Variants in EYS observed in about 807,000 individuals in gnomAD.
The protein encoded by EYS is EGF-like photoreceptor maintenance factor.
A neutral mutation model predicts 282.1 loss-of-function variants in EYS; 250 were observed. The ratio of observed to expected loss-of-function variants is 0.89; its 90% CI spans 0.80 to 0.98. The LOEUF is 0.98. Among genes scored for constraint, EYS ranks in the 50% least tolerant of loss-of-function variants. The pLI is 0.00. For missense variants in EYS, 4,016 were observed against 3,709.0 expected (o/e 1.08, Z -2.15); for synonymous variants, 1,355 against 1,282.9 (o/e 1.06, Z -1.20).
At chr6:64,985,459 T>C (rs1770826540) in intron 14 of EYS, among the ~76,000 whole-genome samples, 1 of 151,560 alleles carries the variant, frequency 6.6e-6, no homozygotes, top group Non-Finnish European at 1.5e-5. Context: ...CTATGATATT[T>C]TGCTCAACTG....
chr6:65,640,571 T>C (rs1189490774), intron 1 of EYS, among the ~76,000 whole-genome samples: 2 of 152,200 alleles, frequency 1.3e-5, no homozygotes, highest in East Asian at 1.9e-4. Flanking sequence ...TTTCAAGGCA[T>C]ATAGAATTCA....
intron 22 of EYS, among the ~76,000 whole-genome samples, chr6:64,808,562 GA>G (rs144822978): frequency 0.044 from 6,693 of 151,916 alleles, 166 homozygotes; most frequent in East Asian, 0.069. Context: ...ATGTGCCTGA[GA>G]ACGTTAGACA....
intron 12 of EYS, among the ~76,000 whole-genome samples, chr6:65,058,570 G>A (rs1289094739): frequency 6.6e-6 from 1 of 150,784 alleles, no homozygotes; most frequent in African/African-American, 2.4e-5. Flanking sequence ...TGGTGCCAGG[G>A]TGATGAATTA....
chr6:64,154,468 C>A (rs1304369820), intron 31 of EYS, among the ~76,000 whole-genome samples: 1 of 147,468 alleles, frequency 6.8e-6, no homozygotes, highest in Non-Finnish European at 1.5e-5. Flanking sequence ...AAAAAAATGC[C>A]TCACAGGGAG....
chr6:64,506,908 T>TAAAAAAAAAAAAAA lies in EYS; in HGVS notation c.5645-67570_5645-67557dup, dbSNP rs530521158. ...TGGGCGATAAAGCGAGGCTGTGTCTTAAAAAAAAAAAAAAAAACTGACTTA... is the reference window on the plus strand; with the variant it reads ...TGGGCGATAAAGCGAGGCTGTGTCTTAAAAAAAAAAAAAAAAAAAAAAAAAAAAAAACTGACTTA... On this transcript the variant is annotated intron_variant, in intron 26 of 42. Coordinates refer to ENST00000503581, the MANE Select transcript of EYS (RefSeq NM_001142800.2). 1.6e-3 allele frequency among the ~76,000 whole-genome samples: 156 copies of TAAAAAAAAAAAAAA among 97,542 alleles called. 6 individuals carry two copies. The highest frequency in any genetic ancestry group is 5.6e-3 in the East Asian group (17 of 3,028). 64.0% of individuals were successfully genotyped at this position (97,542 alleles called of 152,430 possible). A position where few individuals can be genotyped will look rare whatever the true frequency, so the allele number is the denominator to read the frequency against.
At chr6:64,777,627 T>C (rs1473789123) in intron 22 of EYS, among the ~76,000 whole-genome samples, 1 of 152,166 alleles carries the variant, frequency 6.6e-6, no homozygotes, top group African/African-American at 2.4e-5. Flanking sequence ...AATAAAAGCT[T>C]TGCCACAAAG....
At chr6:64,241,841 A>G (rs2150343656) in intron 30 of EYS, among the ~76,000 whole-genome samples, 1 of 152,140 alleles carries the variant, frequency 6.6e-6, no homozygotes. Flanking sequence ...AGTGCTATAA[A>G]TTTTCCTCTG....
At chr6:63,959,886 A>G (rs1316540600) in intron 35 of EYS, among the ~76,000 whole-genome samples, 4 of 152,162 alleles carry the variant, frequency 2.6e-5, no homozygotes, top group African/African-American at 9.7e-5. Context: ...AAGGGAAAGC[A>G]TTAGGACAAA....
At chr6:63,785,624 C>T (rs1770341072) in intron 39 of EYS, among the ~76,000 whole-genome samples, 1 of 152,104 alleles carries the variant, frequency 6.6e-6, no homozygotes, top group Non-Finnish European at 1.5e-5. Context: ...CATTATAAGC[C>T]ATTTTTTAGA....
chr6:64,789,681 A>G (rs1774126793), intron 22 of EYS, among the ~76,000 whole-genome samples: 1 of 151,930 alleles, frequency 6.6e-6, no homozygotes, highest in Non-Finnish European at 1.5e-5. Flanking sequence ...TCCCCTGTAC[A>G]CCACTTCCTG....
At chr6:65,067,004 G>T (rs1389227733) in intron 12 of EYS, among the ~76,000 whole-genome samples, 1 of 152,058 alleles carries the variant, frequency 6.6e-6, no homozygotes, top group Non-Finnish European at 1.5e-5. Flanking sequence ...CTTCTAATCA[G>T]CTTAGGAAAA....
chr6:64,202,177 G>C (rs988725825), intron 31 of EYS, among the ~76,000 whole-genome samples: 1 of 152,142 alleles, frequency 6.6e-6, no homozygotes, highest in Non-Finnish European at 1.5e-5. Context: ...TGTGAGGGCT[G>C]GGTCTGCTCC....
intron 36 of EYS, among the ~76,000 whole-genome samples, chr6:63,821,009 A>T (rs563769803): frequency 6.6e-6 from 1 of 152,226 alleles, no homozygotes; most frequent in African/African-American, 2.4e-5. Flanking sequence ...CAATTTTCTC[A>T]TGTAATCCAT....
chr6:65,058,962 A>T (rs1773492431), intron 12 of EYS, among the ~76,000 whole-genome samples: 2 of 152,278 alleles, frequency 1.3e-5, no homozygotes, highest in South Asian at 2.1e-4. Context: ...GAATTTAGAA[A>T]GAAGAAAACC....
At chr6:65,382,962 A>AT (rs1765672813) in intron 8 of EYS, among the ~76,000 whole-genome samples, 1 of 148,842 alleles carries the variant, frequency 6.7e-6, no homozygotes, top group Non-Finnish European at 1.5e-5. Flanking sequence ...GACCCTCAGT[A>AT]TTAAGCATCA....
chr6:64,395,488 T>C (rs933433609), intron 28 of EYS, among the ~76,000 whole-genome samples: 11 of 152,132 alleles, frequency 7.2e-5, no homozygotes, highest in Non-Finnish European at 1.5e-4. Flanking sequence ...TGTAGGGACA[T>C]GGATGAAATT....
chr6:65,118,685 G>T (rs1344229754), intron 12 of EYS, among the ~76,000 whole-genome samples: 1 of 152,126 alleles, frequency 6.6e-6, no homozygotes, highest in East Asian at 1.9e-4. Context: ...AGTAGTTTGT[G>T]TTTTATTCTG....
At chr6:64,469,744 C>T (rs1776049391) in intron 26 of EYS, among the ~76,000 whole-genome samples, 1 of 152,046 alleles carries the variant, frequency 6.6e-6, no homozygotes, top group Non-Finnish European at 1.5e-5. Flanking sequence ...AGACTCTACT[C>T]CTACACCTCT....
chr6:64,453,630 G>A (rs867258076), intron 26 of EYS, among the ~76,000 whole-genome samples: 20 of 152,108 alleles, frequency 1.3e-4, no homozygotes, highest in Non-Finnish European at 2.4e-4. Flanking sequence ...ATGATAGACT[G>A]GATTAAGAAA....
Sources: allele counts gnomAD v4.1 joint callset (sites outside exome capture counted in the v4.1 genomes callset), GRCh38; gene constraint gnomAD v4.1.1; transcripts MANE v1.5; gene names NCBI Gene and HGNC (gene_info 2026-07-23, HGNC 2026-07-21).